ST8SIA1: variants seen among roughly 807,000 people sequenced by gnomAD.
ST8SIA1 encodes ST8 alpha-N-acetyl-neuraminide alpha-2,8-sialyltransferase 1, also known as alpha-N-acetylneuraminide alpha-2,8-sialyltransferase.
A neutral mutation model predicts 35.9 loss-of-function variants in ST8SIA1; 16 were observed. The observed-to-expected ratio is 0.45, with a 90% CI of 0.30 to 0.68. The LOEUF is 0.68. ST8SIA1 is among the 30% of genes least tolerant of loss of function. ST8SIA1 has a pLI of 0.09. For synonymous variants in ST8SIA1, 170 were observed against 169.6 expected, an observed-to-expected ratio of 1.00 and a Z score of -0.02; for missense variants, 383 against 453.6, an observed-to-expected ratio of 0.84 and a Z score of 1.41.
At position 22,314,360 on chromosome 12, in the gene ST8SIA1, C is replaced by T. The variant is rs75781064; in HGVS notation, c.236+19637G>A. Among the ~76,000 whole-genome samples the T allele has an allele frequency of 3.5e-4, 53 of 151,986 alleles. No individual in the cohort carries two copies. The East Asian group carries it at 9.5e-3, about 27-fold the overall frequency. ...CTCCTAACACAGTGTTTAACCTCCTCCTCAACGTATGCCATCATGGTGATA... is the reference window on the plus strand; with the variant it reads ...CTCCTAACACAGTGTTTAACCTCCTTCTCAACGTATGCCATCATGGTGATA... On this transcript the variant is annotated intron_variant, in intron 1 of 4. Coordinates refer to ENST00000396037, the MANE Select transcript of ST8SIA1 (RefSeq NM_003034.4).
intron 4 of ST8SIA1, among the ~76,000 whole-genome samples, chr12:22,238,639 A>C (rs1865503418): frequency 6.6e-6 from 1 of 152,224 alleles, no homozygotes; most frequent in Non-Finnish European, 1.5e-5. Context: ...GTCACTAAGA[A>C]GTAAAAAACT....
intron 1 of ST8SIA1, among the ~76,000 whole-genome samples, chr12:22,303,987 T>G (rs757835792): frequency 9.9e-5 from 15 of 152,166 alleles, no homozygotes; most frequent in Non-Finnish European, 1.8e-4. Flanking sequence ...CAAGGCCACC[T>G]TTTTGCTAGT....
At chr12:22,299,206 A>C (rs1289561594) in intron 1 of ST8SIA1, among the ~76,000 whole-genome samples, 1 of 152,164 alleles carries the variant, frequency 6.6e-6, no homozygotes, top group African/African-American at 2.4e-5. Context: ...TTGTAGGAAA[A>C]CATTCTTTCT....
intron 4 of ST8SIA1, among the ~76,000 whole-genome samples, chr12:22,215,336 T>C (rs1865223347): frequency 6.6e-6 from 1 of 152,190 alleles, no homozygotes; most frequent in Admixed American, 6.5e-5. Context: ...CAATTATTTA[T>C]TGAGTACCTA....
chr12:22,240,436 A>T (rs1323699804), intron 4 of ST8SIA1, among the ~76,000 whole-genome samples: 1 of 152,050 alleles, frequency 6.6e-6, no homozygotes, highest in South Asian at 2.1e-4. Context: ...TCTGCCTTCT[A>T]ATTCCCTTAT....
chr12:22,250,258 T>G lies in ST8SIA1; in HGVS notation c.492-1160A>C, dbSNP rs544319802. ...GTTAATTCATTTGCCTGACTTCAGT[T>G]TCTCCATTATACAAAATGAGGATAA... is the stretch of plus-strand genomic sequence containing the variant. On this transcript the variant is annotated intron_variant, in intron 3 of 4. Coordinates refer to ENST00000396037, the MANE Select transcript of ST8SIA1 (RefSeq NM_003034.4). Among the ~76,000 whole-genome samples the G allele has an allele frequency of 2.6e-5, 4 of 152,358 alleles. No individual in the cohort carries two copies. The East Asian group carries it at 7.7e-4, about 29-fold the overall frequency.
intron 1 of ST8SIA1, among the ~76,000 whole-genome samples, chr12:22,320,015 CTTA>C (rs1866566036): frequency 6.6e-6 from 1 of 152,158 alleles, no homozygotes; most frequent in Non-Finnish European, 1.5e-5. Context: ...TGATTTCTTG[CTTA>C]AGATGAAACA....
At chr12:22,322,106 C>T (rs865931490) in intron 1 of ST8SIA1, among the ~76,000 whole-genome samples, 1 of 152,234 alleles carries the variant, frequency 6.6e-6, no homozygotes, top group African/African-American at 2.4e-5. Flanking sequence ...ATCGCAATCA[C>T]GATTCAGGCA....
chr12:22,217,937 G>A (rs1046082567), intron 4 of ST8SIA1, among the ~76,000 whole-genome samples: 3 of 152,308 alleles, frequency 2.0e-5, no homozygotes, highest in African/African-American at 7.2e-5. Flanking sequence ...ATAATGAGAT[G>A]AATGTAAATA....
intron 2 of ST8SIA1, among the ~76,000 whole-genome samples, chr12:22,271,753 T>C (rs561294218): frequency 1.3e-5 from 2 of 152,326 alleles, no homozygotes; most frequent in Non-Finnish European, 2.9e-5. Context: ...ATGTTCTGTG[T>C]CCTACATCAG....
rs564019018 is a variant in ST8SIA1, at chr12:22,282,550, G to A, written c.381+4599C>T. Among the ~76,000 whole-genome samples the A allele has an allele frequency of 1.8e-3, 278 of 152,246 alleles. 2 individuals are homozygous for A. Among genetic ancestry groups the A allele is most frequent in the Admixed American group, 0.011 (166 of 15,294 alleles). ...TGCTGGGATCCTGAACCGAAACTGC[G>A]AAGTTCCTTGGCCATCAGCTAAGGA... On this transcript the variant is annotated intron_variant, in intron 2 of 4. Coordinates refer to ENST00000396037, the MANE Select transcript of ST8SIA1 (RefSeq NM_003034.4).
intron 4 of ST8SIA1, chr12:22,223,764 T>C: frequency 8.0e-7 from 1 of 1,255,344 alleles, no homozygotes; most frequent in South Asian, 1.3e-5. Flanking sequence ...TCTCGACAGC[T>C]GTAAAATCCC....
chr12:22,304,616 T>G (rs943321452), intron 1 of ST8SIA1, among the ~76,000 whole-genome samples: 4 of 152,216 alleles, frequency 2.6e-5, no homozygotes, highest in African/African-American at 9.6e-5. Context: ...ATTTATTGAC[T>G]AAAATAATTA....
At chr12:22,249,375 C>A (rs888180105) in intron 3 of ST8SIA1, among the ~76,000 whole-genome samples, 2 of 152,008 alleles carry the variant, frequency 1.3e-5, no homozygotes, top group Admixed American at 1.3e-4. Context: ...CCTGCCACCA[C>A]ACCCGGCTAA....
chr12:22,288,575 G>T (rs1219661049), intron 1 of ST8SIA1, among the ~76,000 whole-genome samples: 2 of 152,178 alleles, frequency 1.3e-5, no homozygotes, highest in African/African-American at 4.8e-5. Context: ...GCCTGCGGGG[G>T]AGGTGCTCTT....
intron 2 of ST8SIA1, among the ~76,000 whole-genome samples, chr12:22,278,286 G>T (rs1865994629): frequency 6.6e-6 from 1 of 152,016 alleles, no homozygotes; most frequent in African/African-American, 2.4e-5. Flanking sequence ...GAAATACTGT[G>T]TTTTTTTCTT....
chr12:22,287,591 C>G (rs1466779171), intron 1 of ST8SIA1, among the ~76,000 whole-genome samples: 1 of 151,928 alleles, frequency 6.6e-6, no homozygotes, highest in East Asian at 1.9e-4. Context: ...ATTACAGTTG[C>G]AGATGTACTG....
At chr12:22,248,412 C>G (rs115199312) in intron 4 of ST8SIA1, among the ~76,000 whole-genome samples, 2 of 152,088 alleles carry the variant, frequency 1.3e-5, no homozygotes, top group East Asian at 3.9e-4. Context: ...CCCCCACCCC[C>G]GCAGCTCCCA....
intron 2 of ST8SIA1, among the ~76,000 whole-genome samples, chr12:22,259,615 G>A (rs1277639868): frequency 6.6e-6 from 1 of 151,876 alleles, no homozygotes; most frequent in African/African-American, 2.4e-5. Flanking sequence ...ACAGGCACCC[G>A]CTACCATGCC....
Sources: allele counts gnomAD v4.1 joint callset (sites outside exome capture counted in the v4.1 genomes callset), GRCh38; gene constraint gnomAD v4.1.1; transcripts MANE v1.5; gene names NCBI Gene and HGNC (gene_info 2026-07-23, HGNC 2026-07-21).